UMAD1: variants seen among roughly 807,000 people sequenced by gnomAD.
The protein encoded by UMAD1 is UBAP1-MVB12-associated (UMA)-domain containing protein 1.
UMAD1 carries 8 observed loss-of-function variants against 6.1 expected under a neutral mutation model. The observed-to-expected ratio is 1.30, with a 90% CI of 0.76 to 2.35. The LOEUF is 2.35. UMAD1 is among the 30% of genes most tolerant of loss of function. UMAD1 has a pLI of 0.00. For missense variants in UMAD1, 130 were observed against 78.4 expected (o/e 1.66, Z -2.49); for synonymous variants, 56 against 31.4 (o/e 1.78, Z -2.61).
At chr7:7,721,357 A>G (rs1424268753) in intron 2 of UMAD1, among the ~76,000 whole-genome samples, 2 of 152,130 alleles carry the variant, frequency 1.3e-5, no homozygotes, top group Admixed American at 6.5e-5. Flanking sequence ...GCAGAGGTTC[A>G]TGAGCTCTGG....
intron 2 of UMAD1, among the ~76,000 whole-genome samples, chr7:7,776,620 A>G (rs1013160378): frequency 6.6e-6 from 1 of 152,232 alleles, no homozygotes; most frequent in African/African-American, 2.4e-5. Context: ...CAAAGACAGC[A>G]TGCCAAAAAA....
At chr7:7,786,091 A>G (rs915631179) in intron 2 of UMAD1, among the ~76,000 whole-genome samples, 6 of 152,192 alleles carry the variant, frequency 3.9e-5, no homozygotes, top group African/African-American at 1.2e-4. Flanking sequence ...TTACTTTCCA[A>G]TACCTGAGTG....
rs536707380 is a variant in UMAD1, at chr7:7,696,831, TTTC to T, written c.82+23387_82+23389del. Among the ~76,000 whole-genome samples the T allele has an allele frequency of 1.2e-3, 188 of 151,968 alleles. 1 individual carries two copies. Among genetic ancestry groups the T allele is most frequent in the Non-Finnish European group, 1.7e-3 (114 of 68,016 alleles). On this transcript the variant is annotated intron_variant, in intron 2 of 3. Transcript: ENST00000682710. ...AACATGTAGATGTTCTCTCTTTTTCTTTCTTCTTCTTTTTTTTTTTAAAGGCTG... is the reference window on the plus strand; with the variant it reads ...AACATGTAGATGTTCTCTCTTTTTCTTTCTTCTTTTTTTTTTTAAAGGCTG...
At chr7:7,773,899 C>T (rs1198362885) in intron 2 of UMAD1, among the ~76,000 whole-genome samples, 3 of 152,070 alleles carry the variant, frequency 2.0e-5, no homozygotes, top group African/African-American at 4.8e-5. Context: ...ATAAGGAGGA[C>T]GAGTCTATAT....
chr7:7,691,251 T>C (rs1780165997), intron 2 of UMAD1, among the ~76,000 whole-genome samples: 1 of 152,142 alleles, frequency 6.6e-6, no homozygotes, highest in South Asian at 2.1e-4. Context: ...AAAATGTATG[T>C]ATGAGGAAAA....
At chr7:7,810,395 G>A (rs1033641688) in intron 3 of UMAD1, among the ~76,000 whole-genome samples, 1 of 151,966 alleles carries the variant, frequency 6.6e-6, no homozygotes, top group African/African-American at 2.4e-5. Context: ...TCCACAAGTT[G>A]TATGCTAAAA....
At chr7:7,687,074 A>G (rs1780057638) in intron 2 of UMAD1, among the ~76,000 whole-genome samples, 2 of 152,216 alleles carry the variant, frequency 1.3e-5, no homozygotes, top group African/African-American at 4.8e-5. Flanking sequence ...TGTGAGACAC[A>G]AAGTTCTGTT....
intron 2 of UMAD1, among the ~76,000 whole-genome samples, chr7:7,782,056 A>G: frequency 6.6e-6 from 1 of 152,100 alleles, no homozygotes; most frequent in East Asian, 1.9e-4. Context: ...CGTTAGGAAA[A>G]GTAGTTACGA....
chr7:7,732,747 T>C (rs1679777770), intron 2 of UMAD1, among the ~76,000 whole-genome samples: 1 of 152,214 alleles, frequency 6.6e-6, no homozygotes. Context: ...CCATAAAATA[T>C]AGTTCAGTGG....
intron 2 of UMAD1, among the ~76,000 whole-genome samples, chr7:7,680,304 C>A (rs1005444078): frequency 6.6e-6 from 1 of 152,114 alleles, no homozygotes; most frequent in Non-Finnish European, 1.5e-5. Flanking sequence ...ACTTCCTTTT[C>A]CCAATGTATA....
At chr7:7,697,124 A>T (rs1249651186) in intron 2 of UMAD1, among the ~76,000 whole-genome samples, 4 of 152,084 alleles carry the variant, frequency 2.6e-5, no homozygotes, top group African/African-American at 4.8e-5. Flanking sequence ...TTTTCTTTTT[A>T]TTTAAAAAAT....
chr7:7,853,039 A>G (rs1783947328), intron 3 of UMAD1, among the ~76,000 whole-genome samples: 2 of 152,236 alleles, frequency 1.3e-5, no homozygotes, highest in African/African-American at 4.8e-5. Flanking sequence ...AGAAGGTCAG[A>G]AAGAGAGAGT....
At chr7:7,855,101 G>C (rs1019066246) in intron 3 of UMAD1, among the ~76,000 whole-genome samples, 1 of 152,356 alleles carries the variant, frequency 6.6e-6, no homozygotes, top group South Asian at 2.1e-4. Flanking sequence ...CTGCCTCTGT[G>C]GCTTTGCAGG....
chr7:7,875,002 G>A (rs764973667), intron 3 of UMAD1, among the ~76,000 whole-genome samples: 23 of 152,078 alleles, frequency 1.5e-4, no homozygotes, highest in Admixed American at 1.1e-3. Context: ...TCGAACTCCC[G>A]ACCTCAGGTG....
rs147026457 is a variant in UMAD1 at position 7,812,493 on chromosome 7, C to A, written c.156+10750C>A. Among the ~76,000 whole-genome samples the A allele has an allele frequency of 3.1e-3, 471 of 152,194 alleles. 3 individuals are homozygous for A. The highest frequency in any genetic ancestry group is 0.011 in the African/African-American group (454 of 41,518). ...TCTGTTGATTGATCACAATTGATTG[C>A]AATTAGAATCTAAGAACTGGAACAT... On this transcript the variant is annotated intron_variant, in intron 3 of 3. Transcript: ENST00000682710.
intron 3 of UMAD1, among the ~76,000 whole-genome samples, chr7:7,842,886 A>G (rs1783710160): frequency 6.6e-6 from 1 of 152,208 alleles, no homozygotes. Context: ...GACAGTGTCC[A>G]TGCCCTCCCA....
At chr7:7,716,979 C>A (rs1411880997) in intron 2 of UMAD1, among the ~76,000 whole-genome samples, 1 of 152,138 alleles carries the variant, frequency 6.6e-6, no homozygotes, top group African/African-American at 2.4e-5. Context: ...TTGCCCTGAA[C>A]CCGGAAACCC....
intron 2 of UMAD1, chr7:7,742,652 A>T: frequency 3.3e-6 from 1 of 307,600 alleles, no homozygotes; most frequent in South Asian, 3.2e-5. Flanking sequence ...TTTTCAAGTG[A>T]TTCTTCATGA....
At chr7:7,674,981 G>A (rs1436365842) in intron 2 of UMAD1, among the ~76,000 whole-genome samples, 1 of 151,826 alleles carries the variant, frequency 6.6e-6, no homozygotes, top group Non-Finnish European at 1.5e-5. Context: ...AGGGAACTCT[G>A]CTTTTTTCTG....
Sources: gnomAD v4.1 joint callset for allele counts (sites outside exome capture counted in the v4.1 genomes callset) on GRCh38, gnomAD v4.1.1 for gene constraint, MANE v1.5 for transcripts, NCBI Gene and HGNC (gene_info 2026-07-23, HGNC 2026-07-21) for gene names.